Variants in AGBL4 observed in about 807,000 individuals in gnomAD.
AGBL4 encodes the protein cytosolic carboxypeptidase 6.
Under a neutral mutation model 66.4 loss-of-function variants are expected in AGBL4, and 58 were observed. That is an observed-to-expected ratio of 0.87 (90% confidence interval 0.71 to 1.09). The LOEUF (loss-of-function observed/expected upper bound fraction) is 1.09. AGBL4 is among the 50% of genes least tolerant of loss of function. The pLI is 0.00. For missense variants in AGBL4, 579 were observed against 631.0 expected, an observed-to-expected ratio of 0.92 and a Z score of 0.88; for synonymous variants, 234 against 222.9, an observed-to-expected ratio of 1.05 and a Z score of -0.44.
At chr1:49,471,908 C>G (rs1646753136) in intron 3 of AGBL4, 1 of 152,062 alleles carries the variant, frequency 6.6e-6, no homozygotes, top group Non-Finnish European at 1.5e-5. Flanking sequence ...AAGCTGAGAC[C>G]TTCATTCCTG....
At chr1:48,633,308 G>A (rs934033130) in intron 9 of AGBL4, among the ~76,000 whole-genome samples, 26 of 152,128 alleles carry the variant, frequency 1.7e-4, no homozygotes, top group African/African-American at 6.0e-4. Flanking sequence ...TACCTATGTC[G>A]CTCTTTAATT....
chr1:49,895,110 T>G (rs1189416407), intron 1 of AGBL4, among the ~76,000 whole-genome samples: 1 of 151,910 alleles, frequency 6.6e-6, no homozygotes, highest in African/African-American at 2.4e-5. Context: ...GCATGACATA[T>G]TTAACGTGCT....
intron 6 of AGBL4, among the ~76,000 whole-genome samples, chr1:48,712,499 A>ATAC (rs1266908073): frequency 2.0e-5 from 3 of 152,182 alleles, no homozygotes; most frequent in African/African-American, 7.2e-5. Flanking sequence ...AATAATAATA[A>ATAC]TAGTGATAAT....
chr1:49,573,928 C>A (rs1644384640), intron 3 of AGBL4, among the ~76,000 whole-genome samples: 1 of 152,160 alleles, frequency 6.6e-6, no homozygotes, highest in Admixed American at 6.5e-5. Flanking sequence ...AACATCCCCA[C>A]CCCAACTCAT....
At chr1:48,651,569 C>A (rs921593540) in intron 8 of AGBL4, among the ~76,000 whole-genome samples, 1 of 152,202 alleles carries the variant, frequency 6.6e-6, no homozygotes, top group African/African-American at 2.4e-5. Context: ...GGAAAAGCAT[C>A]ACTCTCAGGC....
intron 3 of AGBL4, among the ~76,000 whole-genome samples, chr1:49,283,173 T>A (rs1644317862): frequency 6.6e-6 from 1 of 152,210 alleles, no homozygotes; most frequent in Non-Finnish European, 1.5e-5. Context: ...GCTGGAGATC[T>A]GAGAACGGGC....
Position 49,519,614 on chromosome 1 carries a change from T to A in AGBL4, c.282+177699A>T, listed in dbSNP as rs183122577. On this transcript the variant is annotated intron_variant, in intron 3 of 13. Transcript: ENST00000371839. ...TTGAAACCCTATGTAGTCACATATC[T>A]TTTTTATACCTTAGGATTCACTTTT... is the stretch of plus-strand genomic sequence containing the variant. 1.1e-4 allele frequency among the ~76,000 whole-genome samples: 17 copies of A among 152,206 alleles called. 1 individual carries two copies. Among genetic ancestry groups the A allele is most frequent in the African/African-American group, 3.9e-4 (16 of 41,546 alleles).
At chr1:49,764,587 T>C (rs1438588455) in intron 2 of AGBL4, among the ~76,000 whole-genome samples, 1 of 152,224 alleles carries the variant, frequency 6.6e-6, no homozygotes, top group African/African-American at 2.4e-5. Context: ...GCCTGGGAAC[T>C]GGAGGACTGT....
chr1:49,740,867 A>C (rs918542253), intron 2 of AGBL4, among the ~76,000 whole-genome samples: 1 of 152,196 alleles, frequency 6.6e-6, no homozygotes, highest in Non-Finnish European at 1.5e-5. Flanking sequence ...ACAAACACAC[A>C]ACATACCAGA....
rs530413689 is a variant in AGBL4 at position 48,752,768 on chromosome 1, T to A, written c.635-89527A>T. 7.9e-5 allele frequency among the ~76,000 whole-genome samples: 12 copies of A among 152,284 alleles called. No individual in the cohort carries two copies. In the East Asian group the frequency reaches 2.3e-3, roughly 29 times the overall value. On this transcript the variant is annotated intron_variant, in intron 6 of 13. Transcript: ENST00000371839. ...ATTTATTCATTTACTCCTTTTTTTT[T>A]TGGACAGAGTCTCGCTCTGTCGCCA...
chr1:49,266,434 T>C (rs1299956023), intron 3 of AGBL4, among the ~76,000 whole-genome samples: 3 of 152,144 alleles, frequency 2.0e-5, no homozygotes, highest in African/African-American at 7.2e-5. Context: ...CTGACAGCAT[T>C]TCCTACATGG....
intron 6 of AGBL4, among the ~76,000 whole-genome samples, chr1:48,680,510 C>G (rs371249212): frequency 1.3e-5 from 2 of 152,212 alleles, no homozygotes; most frequent in African/African-American, 4.8e-5. Context: ...AAACAGCTCT[C>G]AACACAATCA....
intron 1 of AGBL4, among the ~76,000 whole-genome samples, chr1:49,873,112 T>G (rs1646879314): frequency 6.6e-6 from 1 of 152,026 alleles, no homozygotes; most frequent in African/African-American, 2.4e-5. Flanking sequence ...TCACTTTGAC[T>G]TTCATACCTG....
chr1:48,546,217 CAG>C (rs371692991), intron 11 of AGBL4, among the ~76,000 whole-genome samples: 1 of 152,204 alleles, frequency 6.6e-6, no homozygotes, highest in Non-Finnish European at 1.5e-5. Flanking sequence ...AATTGAAAAT[CAG>C]AGAGTTTACA....
intron 3 of AGBL4, among the ~76,000 whole-genome samples, chr1:49,631,986 T>C (rs1474362239): frequency 6.6e-6 from 1 of 152,154 alleles, no homozygotes. Flanking sequence ...TTCTGGCTAT[T>C]AGTCAACTAT....
chr1:49,957,688 C>CT (rs1020760810), intron 1 of AGBL4, among the ~76,000 whole-genome samples: 4 of 151,610 alleles, frequency 2.6e-5, no homozygotes, highest in Admixed American at 6.6e-5. Flanking sequence ...CAACCCTTGC[C>CT]TTTTTTTTGT....
intron 3 of AGBL4, among the ~76,000 whole-genome samples, chr1:49,602,118 G>A (rs1342949299): frequency 6.6e-6 from 1 of 152,182 alleles, no homozygotes; most frequent in Non-Finnish European, 1.5e-5. Flanking sequence ...GGTCATTAGA[G>A]AAATGCAATT....
At chr1:48,648,470 G>A (rs1383384069) in intron 8 of AGBL4, among the ~76,000 whole-genome samples, 2 of 152,162 alleles carry the variant, frequency 1.3e-5, no homozygotes, top group Non-Finnish European at 2.9e-5. Flanking sequence ...AAGAGAGTAG[G>A]AGGGAAATAG....
At chr1:49,739,663 T>C (rs1650250235) in intron 2 of AGBL4, among the ~76,000 whole-genome samples, 1 of 152,078 alleles carries the variant, frequency 6.6e-6, no homozygotes, top group African/African-American at 2.4e-5. Flanking sequence ...AAAGGTTGGG[T>C]TACCCACATA....
Sources: allele counts gnomAD v4.1 joint callset (sites outside exome capture counted in the v4.1 genomes callset), GRCh38; gene constraint gnomAD v4.1.1; transcripts MANE v1.5; gene names NCBI Gene and HGNC (gene_info 2026-07-23, HGNC 2026-07-21).